SGK3: variants seen among roughly 807,000 people sequenced by gnomAD.
SGK3 encodes the protein serine/threonine-protein kinase Sgk3.
SGK3 carries 47 observed loss-of-function variants against 68.5 expected under a neutral mutation model. The observed-to-expected ratio is 0.69, with a 90% CI of 0.54 to 0.87. The LOEUF (loss-of-function observed/expected upper bound fraction) is 0.87. Ranked by LOEUF, SGK3 falls within the 40% of genes least tolerant of loss-of-function variation. SGK3 has a pLI of 0.00. For synonymous variants in SGK3, 181 were observed against 189.1 expected (o/e 0.96, Z 0.35); for missense variants, 479 against 575.5 (o/e 0.83, Z 1.72).
At chr8:66,752,412 A>T (rs1805844832) in intron 1 of SGK3, among the ~76,000 whole-genome samples, 1 of 152,200 alleles carries the variant, frequency 6.6e-6, no homozygotes, top group South Asian at 2.1e-4. Flanking sequence ...AAGGATGTAA[A>T]GGAAATAAAC....
chr8:66,729,232 G>A (rs374671421), intron 1 of SGK3, among the ~76,000 whole-genome samples: 59 of 150,042 alleles, frequency 3.9e-4, no homozygotes, highest in African/African-American at 1.3e-3. Flanking sequence ...CGAGGCAGGC[G>A]GATCACGAGG....
intron 1 of SGK3, among the ~76,000 whole-genome samples, chr8:66,758,908 C>T (rs1806067227): frequency 6.6e-6 from 1 of 152,136 alleles, no homozygotes; most frequent in East Asian, 1.9e-4. Context: ...AACAGATTTA[C>T]ACCAGCTTAA....
rs777221114 is a variant in SGK3, at chr8:66,836,037, A to C, written c.704A>C (p.Lys235Thr). 6.2e-7 allele frequency: 1 copy of C among 1,613,676 alleles called. No homozygotes were observed. Among genetic ancestry groups the C allele is most frequent in the South Asian group, 1.1e-5 (1 of 91,008 alleles). The change falls in exon 10 of 17, where the codon AAG (lysine) becomes ACG (threonine). Residue 235 changes from lysine to threonine, a missense_variant. Lys to Thr is a moderately conservative substitution (Grantham distance 78). Around this residue, in one of 3 missense-constraint regions of SGK3, gnomAD observed 298 missense variants for 329.4 expected, o/e 0.90. Transcript: ENST00000521198. ...CATTATTCCTTCCAAACAACTGAAA[A>C]GCTTTATTTTGTTCTGGATTTTGTT... The part of the protein sequence containing the change: ...GLHYSFQTTE[K>T]LYFVLDFVNG...
At chr8:66,810,743 C>T (rs1808352066) in intron 4 of SGK3, among the ~76,000 whole-genome samples, 1 of 152,130 alleles carries the variant, frequency 6.6e-6, no homozygotes, top group African/African-American at 2.4e-5. Flanking sequence ...CTGAGAAAAA[C>T]ATTCTGAAAT....
chr8:66,825,359 C>T (rs1250980978), intron 6 of SGK3, among the ~76,000 whole-genome samples: 7 of 142,692 alleles, frequency 4.9e-5, no homozygotes, highest in Admixed American at 1.4e-4. Flanking sequence ...GAGACAGTCT[C>T]GCTCCGTCGC....
chr8:66,761,306 G>T (rs1416290519), intron 1 of SGK3, among the ~76,000 whole-genome samples: 7 of 151,980 alleles, frequency 4.6e-5, no homozygotes, highest in Non-Finnish European at 8.8e-5. Context: ...CTGATTTTTG[G>T]GTTTTTTTGT....
At chr8:66,752,268 T>C (rs1805840434) in intron 1 of SGK3, among the ~76,000 whole-genome samples, 1 of 152,084 alleles carries the variant, frequency 6.6e-6, no homozygotes, top group South Asian at 2.1e-4. Flanking sequence ...ACTTACTGTA[T>C]GTGTAGTATG....
chr8:66,754,460 A>ATTTG (rs1157840591), intron 1 of SGK3, among the ~76,000 whole-genome samples: 1 of 152,152 alleles, frequency 6.6e-6, no homozygotes, highest in African/African-American at 2.4e-5. Context: ...ATTTGCTGGG[A>ATTTG]CAGGTTGAGT....
intron 1 of SGK3, among the ~76,000 whole-genome samples, chr8:66,779,666 A>G (rs916428537): frequency 7.1e-6 from 1 of 141,686 alleles, no homozygotes; most frequent in Non-Finnish European, 1.5e-5. Flanking sequence ...ATACATATAT[A>G]TGTATAAAAT....
At chr8:66,806,382 T>C (rs1808164249) in intron 4 of SGK3, among the ~76,000 whole-genome samples, 1 of 152,226 alleles carries the variant, frequency 6.6e-6, no homozygotes, top group Non-Finnish European at 1.5e-5. Context: ...TTTAAAGTAT[T>C]ACTAAATATA....
chr8:66,771,389 T>C (rs868498153), intron 1 of SGK3, among the ~76,000 whole-genome samples: 1 of 152,242 alleles, frequency 6.6e-6, no homozygotes, highest in Non-Finnish European at 1.5e-5. Context: ...CAAGGGGCCA[T>C]TGATAGATTG....
chr8:66,750,976 C>T (rs1164522531), intron 1 of SGK3, among the ~76,000 whole-genome samples: 2 of 151,140 alleles, frequency 1.3e-5, no homozygotes, highest in African/African-American at 2.4e-5. Context: ...CACTGCACTC[C>T]AGCCTGGGTG....
intron 15 of SGK3, among the ~76,000 whole-genome samples, chr8:66,849,986 C>T (rs1810202455): frequency 6.6e-6 from 1 of 152,222 alleles, no homozygotes; most frequent in South Asian, 2.1e-4. Context: ...TTGATGGCTT[C>T]TTATGACCCT....
intron 1 of SGK3, among the ~76,000 whole-genome samples, chr8:66,744,483 G>GTGTATATA (rs1234035478): frequency 2.5e-5 from 1 of 40,746 alleles, no homozygotes; most frequent in African/African-American, 7.5e-5. Context: ...GTGTGTGTGT[G>GTGTATATA]TATATATATA....
chr8:66,760,396 A>C (rs940429151), intron 1 of SGK3, among the ~76,000 whole-genome samples: 2 of 136,000 alleles, frequency 1.5e-5, no homozygotes, highest in East Asian at 4.3e-4. Context: ...GTACAGTGGC[A>C]CTATCTTGGC....
At chr8:66,818,669 A>G (rs76221928) in intron 5 of SGK3, among the ~76,000 whole-genome samples, 9,621 of 152,266 alleles carry the variant, frequency 0.063, 348 homozygotes, top group African/African-American at 0.092. Context: ...AAATGGAATC[A>G]TACAATATGT....
In SGK3 at chr8:66,712,833, G is replaced by A. The variant is rs989274956; in HGVS notation, c.-122G>A. 1 of 151,492 alleles carries A rather than the reference G, an allele frequency of 6.6e-6. No homozygotes were observed. The highest frequency in any genetic ancestry group is 2.4e-5 in the African/African-American group (1 of 41,368). The allele number at this position is 151,492 out of a possible 1,614,324, so 9.4% of individuals were successfully genotyped here. A position where few individuals can be genotyped will look rare whatever the true frequency, so the allele number is the denominator to read the frequency against. On this transcript the variant is annotated splice_region_variant and 5_prime_UTR_variant, in exon 1 of 17. Coordinates refer to ENST00000521198, the MANE Select transcript of SGK3 (RefSeq NM_001033578.3). ...CGCCGGGAGCAGCACCGCGGGGCCAGGTAGGTGCGGGGCCGGCGGGAGGGT... is the reference window on the plus strand; with the variant it reads ...CGCCGGGAGCAGCACCGCGGGGCCAAGTAGGTGCGGGGCCGGCGGGAGGGT...
chr8:66,804,827 A>T (rs1808085955), intron 4 of SGK3, among the ~76,000 whole-genome samples: 1 of 152,284 alleles, frequency 6.6e-6, no homozygotes, highest in Non-Finnish European at 1.5e-5. Flanking sequence ...AGTGGCTCAC[A>T]CCTGTAATCG....
At chr8:66,761,767 T>TAA (rs980513068) in intron 1 of SGK3, among the ~76,000 whole-genome samples, 2 of 148,282 alleles carry the variant, frequency 1.3e-5, no homozygotes, top group East Asian at 3.9e-4. Flanking sequence ...AGACTCTCTC[T>TAA]AAAAAAAAAA....
Sources: allele counts gnomAD v4.1 joint callset (sites outside exome capture counted in the v4.1 genomes callset), GRCh38; gene constraint gnomAD v4.1.1; regional missense constraint gnomAD v4.1.1; transcripts MANE v1.5; gene names NCBI Gene and HGNC (gene_info 2026-07-23, HGNC 2026-07-21).